The following SLC35F1 variants were observed in gnomAD, a reference collection of about 807,000 sequenced individuals.
SLC35F1 encodes chromosome 6 open reading frame 169.
A neutral mutation model predicts 48.7 loss-of-function variants in SLC35F1; 14 were observed. The ratio of observed to expected loss-of-function variants is 0.29; its 90% confidence interval spans 0.19 to 0.45. The LOEUF (loss-of-function observed/expected upper bound fraction) is 0.45. Among genes scored for constraint, SLC35F1 ranks in the 20% least tolerant of loss-of-function variants. SLC35F1 has a pLI of 1.00. For synonymous variants in SLC35F1, 190 were observed against 202.2 expected, an observed-to-expected ratio of 0.94 and a Z score of 0.51; for missense variants, 404 against 500.0, an observed-to-expected ratio of 0.81 and a Z score of 1.83.
intron 7 of SLC35F1, among the ~76,000 whole-genome samples, chr6:118,297,670 A>G (rs1340418007): frequency 7.1e-6 from 1 of 140,872 alleles, no homozygotes; most frequent in Non-Finnish European, 1.5e-5. Flanking sequence ...ATAATATTAT[A>G]TAAGTTCTGA....
At chr6:117,953,122 G>A (rs1441504839) in intron 1 of SLC35F1, among the ~76,000 whole-genome samples, 1 of 152,052 alleles carries the variant, frequency 6.6e-6, no homozygotes, top group Non-Finnish European at 1.5e-5. Flanking sequence ...AGTTGTTATT[G>A]TTTATTTTTA....
At chr6:118,040,771 G>A (rs1284508975) in intron 1 of SLC35F1, among the ~76,000 whole-genome samples, 1 of 139,218 alleles carries the variant, frequency 7.2e-6, no homozygotes, top group Non-Finnish European at 1.6e-5. Context: ...TCTAGTTGCT[G>A]TATGTGCCAT....
chr6:118,120,865 AGAAC>A (rs1405698199), intron 1 of SLC35F1, among the ~76,000 whole-genome samples: 1 of 152,190 alleles, frequency 6.6e-6, no homozygotes, highest in Non-Finnish European at 1.5e-5. Flanking sequence ...CTCTCAATGT[AGAAC>A]TGAAGCCTCA....
chr6:118,131,687 G>C (rs778929018), intron 1 of SLC35F1, among the ~76,000 whole-genome samples: 13 of 151,966 alleles, frequency 8.6e-5, no homozygotes, highest in Non-Finnish European at 1.8e-4. Context: ...ACTTTCATGA[G>C]TATAATTGAT....
At chr6:118,313,982 G>T in intron 7 of SLC35F1, 46 bp from the exon 8 acceptor site, 1 of 1,567,024 alleles carries the variant, frequency 6.4e-7, no homozygotes. Flanking sequence ...ATGTGTCAGT[G>T]GTTCTGCCCT....
chr6:117,916,292 A>G (rs1417296705), intron 1 of SLC35F1, among the ~76,000 whole-genome samples: 1 of 152,086 alleles, frequency 6.6e-6, no homozygotes. Flanking sequence ...ATTTTTTCTC[A>G]TAATTGATTT....
rs542759107 is a variant in SLC35F1 at position 118,281,670 on chromosome 6, C to T, written c.848-3514C>T. On this transcript the variant is annotated intron_variant, in intron 6 of 7. Transcript: ENST00000360388. The stretch of plus-strand genomic sequence containing the variant: ...TGATCTCAGGTAATGTGGCCTCCCT[C>T]TTGTATTTCCCTAGCTCTTGGGTTG... Among the ~76,000 whole-genome samples the T allele has an allele frequency of 1.1e-4, 16 of 152,324 alleles. No individual in the cohort carries two copies. The South Asian group carries it at 3.3e-3, about 32-fold the overall frequency.
intron 2 of SLC35F1, among the ~76,000 whole-genome samples, chr6:118,197,651 G>A (rs1241894631): frequency 5.9e-5 from 9 of 152,042 alleles, no homozygotes; most frequent in Non-Finnish European, 1.2e-4. Context: ...GTGGCCTGAG[G>A]CCCAAATTGT....
chr6:118,058,161 T>C (rs768235750), intron 1 of SLC35F1, among the ~76,000 whole-genome samples: 29 of 152,168 alleles, frequency 1.9e-4, no homozygotes, highest in South Asian at 4.1e-4. Flanking sequence ...TTTATACACA[T>C]AGAATGTAGG....
intron 7 of SLC35F1, among the ~76,000 whole-genome samples, chr6:118,292,661 G>A (rs772825783): frequency 2.0e-5 from 3 of 150,824 alleles, no homozygotes; most frequent in South Asian, 2.1e-4. Context: ...AATGAAGCTC[G>A]CCTGCCTAAC....
chr6:117,911,206 T>C (rs1197607337), intron 1 of SLC35F1, among the ~76,000 whole-genome samples: 1 of 152,188 alleles, frequency 6.6e-6, no homozygotes, highest in African/African-American at 2.4e-5. Flanking sequence ...AAATAATTAA[T>C]GGGACATCAC....
At chr6:118,237,349 AC>A (rs1367947264) in intron 3 of SLC35F1, among the ~76,000 whole-genome samples, 2 of 151,964 alleles carry the variant, frequency 1.3e-5, no homozygotes, top group African/African-American at 2.4e-5. Flanking sequence ...ACACACACAC[AC>A]ACACACAAAA....
chr6:118,209,908 A>G (rs796368361), intron 2 of SLC35F1, among the ~76,000 whole-genome samples: 8 of 152,324 alleles, frequency 5.3e-5, no homozygotes, highest in Admixed American at 2.0e-4. Context: ...GGCAATCTAT[A>G]TGACAAAAAG....
chr6:117,965,080 T>C (rs1352179680), intron 1 of SLC35F1, among the ~76,000 whole-genome samples: 1 of 152,158 alleles, frequency 6.6e-6, no homozygotes, highest in East Asian at 1.9e-4. Context: ...AGTTGCTTGA[T>C]AGGATCTGGT....
chr6:117,978,393 A>G (rs1776731306), intron 1 of SLC35F1, among the ~76,000 whole-genome samples: 1 of 151,852 alleles, frequency 6.6e-6, no homozygotes, highest in Non-Finnish European at 1.5e-5. Context: ...ACATTTACTT[A>G]GTGTTTTTCT....
intron 2 of SLC35F1, among the ~76,000 whole-genome samples, chr6:118,205,338 A>G (rs1774921824): frequency 1.3e-5 from 2 of 152,110 alleles, no homozygotes; most frequent in African/African-American, 4.8e-5. Flanking sequence ...TCTCACGAGA[A>G]GAAGATACAC....
At chr6:118,146,068 T>C (rs1237335580) in intron 1 of SLC35F1, among the ~76,000 whole-genome samples, 1 of 152,172 alleles carries the variant, frequency 6.6e-6, no homozygotes, top group African/African-American at 2.4e-5. Flanking sequence ...CATATTGGGA[T>C]GAAAGTACAG....
At chr6:118,283,526 A>G (rs1160537575) in intron 6 of SLC35F1, among the ~76,000 whole-genome samples, 1 of 152,200 alleles carries the variant, frequency 6.6e-6, no homozygotes, top group Non-Finnish European at 1.5e-5. Flanking sequence ...GAAGGGTATT[A>G]TTCTGGAACT....
intron 1 of SLC35F1, among the ~76,000 whole-genome samples, chr6:117,961,558 C>T (rs900126157): frequency 3.9e-4 from 59 of 152,184 alleles, no homozygotes; most frequent in African/African-American, 1.4e-3. Context: ...TATTCCTCCA[C>T]TCCTCCTCTT....
Sources: gnomAD v4.1 joint callset for allele counts (sites outside exome capture counted in the v4.1 genomes callset) on GRCh38, gnomAD v4.1.1 for gene constraint, MANE v1.5 for transcripts, NCBI Gene and HGNC (gene_info 2026-07-23, HGNC 2026-07-21) for gene names.